The following CACNA2D3 variants were observed in gnomAD, a reference collection of about 807,000 sequenced individuals.
CACNA2D3 encodes the protein calcium voltage-gated channel auxiliary subunit alpha2delta 3, also known as voltage-dependent calcium channel subunit alpha-2/delta-3.
In CACNA2D3, 60 loss-of-function variants were observed where a neutral mutation model predicts 160.6. That is an observed-to-expected ratio of 0.37 (90% CI 0.30 to 0.46). The LOEUF (loss-of-function observed/expected upper bound fraction) is 0.46, where lower values mean the gene tolerates loss of function less well. Ranked by LOEUF, CACNA2D3 falls within the 20% of genes least tolerant of loss-of-function variation. The pLI, the probability that CACNA2D3 is intolerant of heterozygous loss-of-function variation, is 1.00. For synonymous variants in CACNA2D3, 558 were observed against 492.9 expected (o/e 1.13, Z -1.75); for missense variants, 1,205 against 1,365.0 (o/e 0.88, Z 1.85).
intron 2 of CACNA2D3, among the ~76,000 whole-genome samples, chr3:54,287,540 A>G (rs1703065374): frequency 6.7e-6 from 1 of 148,492 alleles, no homozygotes; most frequent in African/African-American, 2.5e-5. Flanking sequence ...TAACAAGGAT[A>G]CCCAGGAATT....
chr3:54,362,185 C>T (rs760183158), intron 3 of CACNA2D3, among the ~76,000 whole-genome samples: 1 of 152,198 alleles, frequency 6.6e-6, no homozygotes, highest in Non-Finnish European at 1.5e-5. Context: ...GGTTTTCCTG[C>T]TCACTGTCTC....
intron 2 of CACNA2D3, among the ~76,000 whole-genome samples, chr3:54,215,480 TC>T (rs1701444062): frequency 1.3e-5 from 2 of 152,182 alleles, no homozygotes; most frequent in South Asian, 4.1e-4. Flanking sequence ...TGCGTATCAG[TC>T]CCCCCATTGC....
intron 2 of CACNA2D3, among the ~76,000 whole-genome samples, chr3:54,215,263 G>C (rs997968889): frequency 9.9e-5 from 15 of 152,266 alleles, no homozygotes; most frequent in African/African-American, 3.6e-4. Flanking sequence ...TGATTAATCT[G>C]TGTCTACATT....
chr3:55,030,047 G>A (rs1201112686), intron 35 of CACNA2D3, among the ~76,000 whole-genome samples: 1 of 152,130 alleles, frequency 6.6e-6, no homozygotes, highest in African/African-American at 2.4e-5. Flanking sequence ...TTTGGAGATT[G>A]AAGGCTCTTC....
At chr3:54,295,226 G>T (rs949144150) in intron 2 of CACNA2D3, among the ~76,000 whole-genome samples, 3 of 152,138 alleles carry the variant, frequency 2.0e-5, no homozygotes, top group African/African-American at 4.8e-5. Flanking sequence ...TGAGGCTGGG[G>T]ATTCAAGAGG....
intron 4 of CACNA2D3, among the ~76,000 whole-genome samples, chr3:54,452,444 A>G (rs1013635492): frequency 9.2e-5 from 14 of 152,220 alleles, no homozygotes; most frequent in African/African-American, 2.9e-4. Flanking sequence ...ACCATATCAC[A>G]TGTGTCTTCT....
intron 35 of CACNA2D3, among the ~76,000 whole-genome samples, chr3:55,037,914 G>T (rs1432025696): frequency 1.3e-5 from 2 of 152,206 alleles, no homozygotes; most frequent in Admixed American, 1.3e-4. Context: ...CACATGTGAA[G>T]ACAGATACTG....
chr3:54,890,675 G>A (rs1472532970), intron 24 of CACNA2D3, among the ~76,000 whole-genome samples: 1 of 152,178 alleles, frequency 6.6e-6, no homozygotes, highest in African/African-American at 2.4e-5. Flanking sequence ...TTTTACATTA[G>A]TTTTCCTTGC....
chr3:54,797,139 T>C (rs190546690), intron 13 of CACNA2D3, among the ~76,000 whole-genome samples: 3 of 152,292 alleles, frequency 2.0e-5, no homozygotes, highest in Non-Finnish European at 2.9e-5. Context: ...AAGGCAGCCA[T>C]TGGTAAATTT....
intron 35 of CACNA2D3, among the ~76,000 whole-genome samples, chr3:55,044,763 C>G (rs1359649483): frequency 6.6e-6 from 1 of 152,080 alleles, no homozygotes; most frequent in African/African-American, 2.4e-5. Flanking sequence ...TTTCAACATC[C>G]TTTATCAAGT....
chr3:54,868,162 T>G (rs890947157), intron 17 of CACNA2D3, among the ~76,000 whole-genome samples: 1 of 152,214 alleles, frequency 6.6e-6, no homozygotes, highest in East Asian at 1.9e-4. Flanking sequence ...GCCTGTTATA[T>G]CTATGCAACA....
At chr3:54,648,495 C>G (rs1296664631) in intron 11 of CACNA2D3, among the ~76,000 whole-genome samples, 1 of 152,228 alleles carries the variant, frequency 6.6e-6, no homozygotes, top group African/African-American at 2.4e-5. Context: ...GACCAACCAG[C>G]ATATTGCTGA....
chr3:54,787,992 T>C (rs903819762), intron 13 of CACNA2D3, among the ~76,000 whole-genome samples: 7 of 152,236 alleles, frequency 4.6e-5, no homozygotes, highest in South Asian at 2.1e-4. Flanking sequence ...TGTCACTGTT[T>C]ATAGTCTTCC....
intron 31 of CACNA2D3, among the ~76,000 whole-genome samples, chr3:55,001,744 A>G (rs1702983601): frequency 6.6e-6 from 1 of 152,260 alleles, no homozygotes; most frequent in Non-Finnish European, 1.5e-5. Context: ...ACGTTGGCAC[A>G]CTTAGAGCAT....
chr3:54,985,566 T>C (rs1702596720), intron 30 of CACNA2D3, among the ~76,000 whole-genome samples: 2 of 152,372 alleles, frequency 1.3e-5, no homozygotes, highest in African/African-American at 4.8e-5. Context: ...TCTAGACCTC[T>C]AGATAGGCTC....
At chr3:55,007,712 C>T in intron 32 of CACNA2D3, 78 bp from the exon 33 acceptor site, 1 of 858,402 alleles carries the variant, frequency 1.2e-6, no homozygotes, top group South Asian at 1.6e-5. Context: ...TAACATTGTC[C>T]TTATGTAAAG....
chr3:55,057,189 T>C (rs1027184031), intron 35 of CACNA2D3, among the ~76,000 whole-genome samples: 1 of 152,202 alleles, frequency 6.6e-6, no homozygotes, highest in South Asian at 2.1e-4. Context: ...GCCATGATTG[T>C]GAGGCCTCCC....
intron 9 of CACNA2D3, among the ~76,000 whole-genome samples, chr3:54,606,346 A>T (rs1698624674): frequency 6.6e-6 from 1 of 152,016 alleles, no homozygotes; most frequent in Non-Finnish European, 1.5e-5. Context: ...GATGCTGGGG[A>T]GCAAGTCGGG....
chr3:54,410,564 T>C, intron 4 of CACNA2D3, among the ~76,000 whole-genome samples: 1 of 152,204 alleles, frequency 6.6e-6, no homozygotes, highest in South Asian at 2.1e-4. Context: ...AAAGCCTGGA[T>C]GACCGCACAT....
Sources: allele counts gnomAD v4.1 joint callset (sites outside exome capture counted in the v4.1 genomes callset), GRCh38; gene constraint gnomAD v4.1.1; transcripts MANE v1.5; gene names NCBI Gene and HGNC (gene_info 2026-07-23, HGNC 2026-07-21).